The following PRPF6 variants were observed in gnomAD, a reference collection of about 807,000 sequenced individuals.
The protein encoded by PRPF6 is pre-mRNA-processing factor 6.
In PRPF6, 42 loss-of-function variants were observed where a neutral mutation model predicts 118.3. That is an observed-to-expected ratio of 0.35 (90% CI 0.28 to 0.46). The LOEUF (loss-of-function observed/expected upper bound fraction) is 0.46, where lower values mean the gene tolerates loss of function less well. Among genes scored for constraint, PRPF6 ranks in the 20% least tolerant of loss-of-function variants. The pLI is 1.00. For missense variants in PRPF6, 662 were observed against 1,255.7 expected (o/e 0.53, Z 7.15); for synonymous variants, 481 against 485.1 (o/e 0.99, Z 0.11).
chr20:64,018,887 A>G (rs904987563), intron 12 of PRPF6, among the ~76,000 whole-genome samples: 1 of 152,112 alleles, frequency 6.6e-6, no homozygotes, highest in African/African-American at 2.4e-5. Flanking sequence ...GGATTGGTCA[A>G]TGGCTCCTCC....
In PRPF6 at chr20:63,981,679, C is replaced by T. The variant is rs950082819; in HGVS notation, c.71+363C>T. On this transcript the variant is annotated intron_variant, in intron 1 of 20. Transcript: ENST00000266079. Reference sequence around the variant, plus strand: ...GCCCGCCCGCCCGCCCCGCCTTAAGCGTGCCTGGGTCCTCTATGCCTGCAA... The same window carrying T: ...GCCCGCCCGCCCGCCCCGCCTTAAGTGTGCCTGGGTCCTCTATGCCTGCAA... Among the ~76,000 whole-genome samples the T allele has an allele frequency of 2.7e-3, 365 of 136,208 alleles. 3 individuals are homozygous for T. The highest frequency in any genetic ancestry group is 9.6e-3 in the African/African-American group (349 of 36,382). 89.4% of individuals were successfully genotyped at this position (136,208 alleles called of 152,430 possible). A position where few individuals can be genotyped will look rare whatever the true frequency, so the allele number is the denominator to read the frequency against.
Position 63,981,144 on chromosome 20 carries a change from T to TTGCTACGGAG in PRPF6, c.-98_-89dup, listed in dbSNP as rs2122959336. ...CGGGTGACGCGACGACGGCGACACT[T>TTGCTACGGAG]TGCTACGGAGTGCATCGGACGTCGA... On this transcript the variant is annotated 5_prime_UTR_variant, in exon 1 of 21. Transcript: ENST00000266079. 1 of 1,283,070 alleles carries TTGCTACGGAG rather than the reference T, an allele frequency of 7.8e-7. No homozygotes were observed. The highest frequency in any genetic ancestry group is 1.1e-6 in the Non-Finnish European group (1 of 903,790). The allele number at this position is 1,283,070 out of a possible 1,614,324, so 79.5% of individuals were successfully genotyped here. A position where few individuals can be genotyped will look rare whatever the true frequency, so the allele number is the denominator to read the frequency against.
intron 9 of PRPF6, among the ~76,000 whole-genome samples, chr20:64,009,677 G>A (rs1466200499): frequency 1.3e-5 from 2 of 152,090 alleles, no homozygotes; most frequent in Non-Finnish European, 2.9e-5. Context: ...AGCTGAGATC[G>A]TGCCATTGTA....
At chr20:63,984,886 C>T in intron 2 of PRPF6, 21 bp from the exon 3 acceptor site, 2 of 1,551,614 alleles carry the variant, frequency 1.3e-6, no homozygotes, top group South Asian at 2.2e-5. Context: ...CTGACCTCTA[C>T]ACGTGTTGTT....
intron 9 of PRPF6, among the ~76,000 whole-genome samples, chr20:64,003,814 G>A (rs1280178760): frequency 3.3e-5 from 5 of 152,108 alleles, no homozygotes; most frequent in Non-Finnish European, 5.9e-5. Context: ...TAGCCAGGAT[G>A]GTCTTGATCT....
chr20:63,992,059 A>G (rs1256718351), intron 3 of PRPF6, among the ~76,000 whole-genome samples: 1 of 152,120 alleles, frequency 6.6e-6, no homozygotes, highest in Non-Finnish European at 1.5e-5. Flanking sequence ...GGTGGTAACT[A>G]GGATAGTTAC....
intron 2 of PRPF6, among the ~76,000 whole-genome samples, chr20:63,983,593 C>T (rs139337105): frequency 9.6e-4 from 141 of 147,492 alleles, no homozygotes; most frequent in Non-Finnish European, 1.6e-3. Flanking sequence ...TCGCTCTTGT[C>T]GGAAGAGATG....
chr20:64,006,810 A>G (rs979594266), intron 9 of PRPF6, among the ~76,000 whole-genome samples: 5 of 152,184 alleles, frequency 3.3e-5, no homozygotes, highest in African/African-American at 9.7e-5. Context: ...GTGGCATCCT[A>G]CTGGGCTGCC....
chr20:64,021,798 G>C (rs1231157035), intron 12 of PRPF6, among the ~76,000 whole-genome samples: 1 of 147,602 alleles, frequency 6.8e-6, no homozygotes, highest in East Asian at 2.0e-4. Flanking sequence ...GTGTGTATGC[G>C]TGCACGTATG....
At chr20:64,016,613 C>T (rs551737096) in intron 11 of PRPF6, 110 bp from the exon 12 acceptor site, 2 of 1,413,422 alleles carry the variant, frequency 1.4e-6, no homozygotes, top group African/African-American at 2.8e-5. Flanking sequence ...GTGTCAGCAT[C>T]TTGTGCTGAT....
At chr20:63,995,993 T>C (rs1420841166) in intron 6 of PRPF6, among the ~76,000 whole-genome samples, 1 of 151,978 alleles carries the variant, frequency 6.6e-6, no homozygotes, top group Non-Finnish European at 1.5e-5. Flanking sequence ...TTTTAAAAAG[T>C]GTGTTTTTTT....
At chr20:63,992,777 A>T (rs977792447) in intron 3 of PRPF6, among the ~76,000 whole-genome samples, 1 of 151,984 alleles carries the variant, frequency 6.6e-6, no homozygotes, top group Non-Finnish European at 1.5e-5. Flanking sequence ...TGTGTTGCCC[A>T]GGCTGGAGTG....
intron 1 of PRPF6, among the ~76,000 whole-genome samples, chr20:63,981,663 C>T (rs535035258): frequency 7.4e-5 from 11 of 148,040 alleles, no homozygotes; most frequent in African/African-American, 2.5e-4. Flanking sequence ...CGCCCGCCCG[C>T]CCGCCCCGCC....
chr20:64,009,702 A>G (rs1221603925), intron 9 of PRPF6, among the ~76,000 whole-genome samples: 1 of 152,260 alleles, frequency 6.6e-6, no homozygotes, highest in African/African-American at 2.4e-5. Context: ...AGCCTGGGCA[A>G]TAGAATGAGA....
At position 64,022,819 on chromosome 20, in the gene PRPF6, C is replaced by T. The variant is rs758142607; in HGVS notation, c.1710C>T (p.Phe570=). The T allele has an allele frequency of 6.2e-7, 1 of 1,614,112 alleles. No individual in the cohort carries two copies. Among genetic ancestry groups the T allele is most frequent in the Non-Finnish European group, 8.5e-7 (1 of 1,180,026 alleles). The change falls in exon 13 of 21, where the codon TTC becomes TTT. Residue 570 remains phenylalanine (F), a synonymous_variant. Coordinates refer to ENST00000266079, the MANE Select transcript of PRPF6 (RefSeq NM_012469.4). ...TCTACGCCTACGCCCTGCAGGTGTTCCCCAGCAAGAAGAGTGTGTGGCTGC... is the reference window on the plus strand; with the variant it reads ...TCTACGCCTACGCCCTGCAGGTGTTTCCCAGCAAGAAGAGTGTGTGGCTGC... ...RAIYAYALQV[F]PSKKSVWLRA...
chr20:63,992,685 TAC>T (rs2059123996), intron 3 of PRPF6, among the ~76,000 whole-genome samples: 1 of 152,148 alleles, frequency 6.6e-6, no homozygotes, highest in Non-Finnish European at 1.5e-5. Flanking sequence ...AATGAATTTC[TAC>T]ATGTTTTTAT....
chr20:64,022,369 G>T (rs183805968), intron 12 of PRPF6, among the ~76,000 whole-genome samples: 1 of 152,274 alleles, frequency 6.6e-6, no homozygotes, highest in South Asian at 2.1e-4. Context: ...GTGCAGTGGC[G>T]TGATCTCGGC....
At chr20:63,997,701 C>T (rs914022379) in intron 6 of PRPF6, among the ~76,000 whole-genome samples, 3 of 151,860 alleles carry the variant, frequency 2.0e-5, no homozygotes, top group East Asian at 1.9e-4. Context: ...GTGATCCACT[C>T]GCCTCAGCCT....
intron 11 of PRPF6, among the ~76,000 whole-genome samples, chr20:64,016,428 C>A (rs1341367236): frequency 6.6e-6 from 1 of 152,064 alleles, no homozygotes; most frequent in Non-Finnish European, 1.5e-5. Context: ...CTGGCTGAGA[C>A]CTTGTCTCTT....
Sources: gnomAD v4.1 joint callset for allele counts (sites outside exome capture counted in the v4.1 genomes callset) on GRCh38, gnomAD v4.1.1 for gene constraint, MANE v1.5 for transcripts, NCBI Gene and HGNC (gene_info 2026-07-23, HGNC 2026-07-21) for gene names.